The following INA variants were observed in gnomAD, a reference collection of about 807,000 sequenced individuals.
INA encodes the protein alpha-internexin.
In INA, 35 loss-of-function variants were observed where a neutral mutation model predicts 40.1. That is an observed-to-expected ratio of 0.87 (90% CI 0.67 to 1.16). The LOEUF is 1.16. Ranked by LOEUF, INA falls within the 50% of genes most tolerant of loss-of-function variation. INA has a pLI of 0.00. For missense variants in INA, 594 were observed against 686.7 expected (o/e 0.87, Z 1.51); for synonymous variants, 290 against 316.9 (o/e 0.92, Z 0.90).
At chr10:103,283,597 G>A (rs186094789) in intron 1 of INA, among the ~76,000 whole-genome samples, 355 of 152,178 alleles carry the variant, frequency 2.3e-3, no homozygotes, top group African/African-American at 7.5e-3. Context: ...TTTTAATTCT[G>A]CAAATTCTCT....
chr10:103,286,334 TC>T (rs1452877399), intron 1 of INA, among the ~76,000 whole-genome samples: 1 of 95,778 alleles, frequency 1.0e-5, no homozygotes, highest in African/African-American at 4.3e-5. Context: ...AGACCTTGTC[TC>T]AAAAAAAAAA....
At chr10:103,279,921 G>T (rs1385009034) in intron 1 of INA, 1 of 1,289,000 alleles carries the variant, frequency 7.8e-7, no homozygotes, top group Admixed American at 2.3e-5. Context: ...GGCTAATTGA[G>T]ACTTCATTTT....
intron 1 of INA, among the ~76,000 whole-genome samples, chr10:103,281,837 G>A (rs1331976996): frequency 6.6e-6 from 1 of 152,212 alleles, no homozygotes; most frequent in Non-Finnish European, 1.5e-5. Context: ...CACGGGCTGC[G>A]ATGCTCAGAC....
chr10:103,284,155 T>TGGA (rs2093079558), intron 1 of INA, among the ~76,000 whole-genome samples: 1 of 151,816 alleles, frequency 6.6e-6, no homozygotes. Flanking sequence ...TCGCCCAGGC[T>TGGA]GGAGCACAGT....
Position 103,290,069 on chromosome 10 carries a change from T to C in INA, c.*1400T>C, listed in dbSNP as rs1279974148. The C allele has an allele frequency of 6.6e-6, 1 of 152,654 alleles. No individual in the cohort carries two copies. The highest frequency in any genetic ancestry group is 2.4e-5 in the African/African-American group (1 of 41,452). 9.5% of individuals were successfully genotyped at this position (152,654 alleles called of 1,614,324 possible). ...AGCATCTGCATTGCCCAGTCTTTCA[T>C]GTGTGCCAAGGCTGATGCAGGATTT... On this transcript the variant is annotated 3_prime_UTR_variant, in exon 3 of 3. Coordinates refer to ENST00000369849, the MANE Select transcript of INA (RefSeq NM_032727.4).
intron 1 of INA, among the ~76,000 whole-genome samples, chr10:103,283,751 T>TC (rs1251980271): frequency 1.0e-4 from 15 of 147,870 alleles, no homozygotes; most frequent in African/African-American, 3.2e-4. Context: ...ACTGTTTCTT[T>TC]TTTTTTTTTT....
rs773003404 is a variant in INA at position 103,277,587 on chromosome 10, C to A, written c.376C>A (p.Leu126Met). The change falls in exon 1 of 3, where the codon CTG (leucine) becomes ATG (methionine). Residue 126 changes from leucine to methionine, a missense_variant. Physicochemically the swap from Leu to Met is conservative, Grantham distance 15. Around this residue, in one of 2 missense-constraint regions of INA, gnomAD observed 215 missense variants for 190.6 expected, o/e 1.13. Coordinates refer to ENST00000369849, the MANE Select transcript of INA (RefSeq NM_032727.4). This position sits in a 1 kb window ranked among gnomAD's most constrained non-coding sequence, Gnocchi z 5.6. ...GCAGAACCGCGCGTTGGAGGCCGAGCTGGCCGCGCTGCGACAGCGCCACGC... is the reference window on the plus strand; with the variant it reads ...GCAGAACCGCGCGTTGGAGGCCGAGATGGCCGCGCTGCGACAGCGCCACGC... ...ETQNRALEAE[L>M]AALRQRHAEP... 7 of 1,559,286 alleles carry A rather than the reference C, an allele frequency of 4.5e-6. No homozygotes were observed. The South Asian group carries it at 5.8e-5, about 13-fold the overall frequency.
chr10:103,280,726 G>C, intron 1 of INA: 1 of 985,442 alleles, frequency 1.0e-6, no homozygotes, highest in African/African-American at 1.7e-5. Flanking sequence ...GTGGATGAGA[G>C]AGTCTGAATC....
At chr10:103,283,424 G>C (rs780225234) in intron 1 of INA, among the ~76,000 whole-genome samples, 1 of 152,010 alleles carries the variant, frequency 6.6e-6, no homozygotes, top group Non-Finnish European at 1.5e-5. Flanking sequence ...TCTCTTTAAG[G>C]CCTCATGATC....
intron 1 of INA, chr10:103,279,951 A>G: frequency 1.6e-6 from 2 of 1,289,618 alleles, no homozygotes; most frequent in South Asian, 1.2e-5. Flanking sequence ...GAAGCCTCCA[A>G]GTACGAGCTA....
rs1271266444 is a variant in INA, at chr10:103,288,562, C to G, written c.1393C>G (p.Gln465Glu). 6 of 1,613,464 alleles carry G rather than the reference C, an allele frequency of 3.7e-6. No individual in the cohort carries two copies. Among genetic ancestry groups the G allele is most frequent in the Non-Finnish European group, 5.1e-6 (6 of 1,179,740 alleles). The change falls in exon 3 of 3, where the codon CAG becomes GAG. Residue 465 changes from glutamine (Q) to glutamate (E), a missense_variant. Gln to Glu is a conservative substitution (Grantham distance 29). This residue lies in a region of INA where 379 missense variants were observed against 496.1 expected (regional missense o/e 0.76). Transcript: ENST00000369849. ...TAAGGTAGCCTCTAAGAAAACCTCC[C>G]AGATAGGGGAAAGTTTTGAAGAAAT... ...ASKVASKKTS[Q>E]IGESFEEILE...
rs1213699826 is a variant in INA at position 103,289,899 on chromosome 10, C to G, written c.*1230C>G. ...ATCTTTCTCTTTTCTAAAAGACTTCCCTAACACTTACCCCATGGCTGCACA... is the reference window on the plus strand; with the variant it reads ...ATCTTTCTCTTTTCTAAAAGACTTCGCTAACACTTACCCCATGGCTGCACA... On this transcript the variant is annotated 3_prime_UTR_variant, in exon 3 of 3. Transcript: ENST00000369849. The G allele has an allele frequency of 6.6e-6, 1 of 152,628 alleles. No individual in the cohort carries two copies. Among genetic ancestry groups the G allele is most frequent in the Non-Finnish European group, 1.5e-5 (1 of 68,056 alleles). The allele number at this position is 152,628 out of a possible 1,614,324, so 9.5% of individuals were successfully genotyped here. A position where few individuals can be genotyped will look rare whatever the true frequency, so the allele number is the denominator to read the frequency against.
Position 103,277,924 on chromosome 10 carries a change from T to A in INA, c.713T>A (p.Leu238Gln). 1.3e-6 allele frequency: 2 copies of A among 1,552,566 alleles called. No individual in the cohort carries two copies. The highest frequency in any genetic ancestry group is 1.7e-6 in the Non-Finnish European group (2 of 1,148,062). ...GTGCACGACGAGGAGGTAGCCGAGC[T>A]GCTGGCCACGCTGCAGGCGTCGTCG... ...RQVHDEEVAE[L>Q]LATLQASSQA... The change falls in exon 1 of 3, where the codon CTG becomes CAG. Residue 238 changes from leucine (L) to glutamine (Q), a missense_variant. Transcript: ENST00000369849. The surrounding 1 kb of genome is among the most constrained non-coding windows in gnomAD (Gnocchi z 5.6).
rs1436331405 is a variant in INA at position 103,288,208 on chromosome 10, A to G, written c.1191-152A>G. On this transcript the variant is annotated intron_variant, in intron 2 of 2. Transcript: ENST00000369849. ...CGTATGCACGTGGTCCAACCCTTTG[A>G]GCTTTGAAATTAAATATTTATTGGT... The G allele has an allele frequency of 2.6e-5, 18 of 695,080 alleles. No homozygotes were observed. The East Asian group carries it at 4.8e-4, about 18-fold the overall frequency. The allele number at this position is 695,080 out of a possible 1,614,324, so 43.1% of individuals were successfully genotyped here.
intron 1 of INA, chr10:103,280,008 A>G (rs1467508547): frequency 7.8e-7 from 1 of 1,287,190 alleles, no homozygotes; most frequent in Non-Finnish European, 1.0e-6. Context: ...AAAAAAGGAT[A>G]ACTTACTCAG....
In INA at chr10:103,277,246, C is replaced by T; in HGVS notation, c.35C>T (p.Ser12Phe). The stretch of plus-strand genomic sequence containing the variant: ...GGCTCGGAGCACTACCTGTGCTCCT[C>T]CTCCTCCTACCGCAAGGTGTTCGGG... ...SFGSEHYLCS[S>F]SSYRKVFGDG... Residue 12 changes from serine (S) to phenylalanine (F), a missense_variant, in exon 1 of 3, where the codon TCC becomes TTC. Ser to Phe is a radical substitution (Grantham distance 155). Transcript: ENST00000369849. This position sits in a 1 kb window ranked among gnomAD's most constrained non-coding sequence, Gnocchi z 5.6. The T allele has an allele frequency of 6.3e-7, 1 of 1,591,824 alleles. No homozygotes were observed. Among genetic ancestry groups the T allele is most frequent in the Non-Finnish European group, 8.5e-7 (1 of 1,172,420 alleles).
In INA at chr10:103,278,183, C is replaced by A; in HGVS notation, c.972C>A (p.Ile324=). Residue 324 remains isoleucine (I), a synonymous_variant, in exon 1 of 3, where the codon ATC becomes ATA. Transcript: ENST00000369849. The surrounding 1 kb of genome is among the most constrained non-coding windows in gnomAD (Gnocchi z 4.9). ...EYRRQLQART[I]EIEGLRGANE... is the part of the protein sequence containing the mutation. ...GGCGCCAGCTGCAGGCGCGCACCAT[C>A]GAGATCGAGGGCCTGCGCGGGGCCA... is the stretch of plus-strand genomic sequence containing the variant. 1.2e-6 allele frequency: 2 copies of A among 1,610,234 alleles called. No homozygotes were observed. Among genetic ancestry groups the A allele is most frequent in the Non-Finnish European group, 1.7e-6 (2 of 1,178,762 alleles).
chr10:103,285,312 T>TTTTTTTTTTTTTG (rs2093083103), intron 1 of INA, among the ~76,000 whole-genome samples: 1 of 145,812 alleles, frequency 6.9e-6, no homozygotes, highest in African/African-American at 2.5e-5. Flanking sequence ...GAATCTTTTT[T>TTTTTTTTTTTTTG]GAGACAGAGT....
intron 1 of INA, among the ~76,000 whole-genome samples, chr10:103,286,335 C>CAAA (rs71019675): frequency 1.8e-3 from 94 of 51,570 alleles, no homozygotes; most frequent in African/African-American, 2.6e-3. Context: ...GACCTTGTCT[C>CAAA]AAAAAAAAAA....
Sources: gnomAD v4.1 joint callset for allele counts (sites outside exome capture counted in the v4.1 genomes callset) on GRCh38, gnomAD v4.1.1 for gene constraint, gnomAD v4.1.1 regional missense constraint, Gnocchi (gnomAD v3.1) non-coding constraint, MANE v1.5 for transcripts, NCBI Gene and HGNC (gene_info 2026-07-23, HGNC 2026-07-21) for gene names.